Variants in EYA4 observed in about 807,000 individuals in gnomAD.
The protein encoded by EYA4 is protein phosphatase EYA4.
Under a neutral mutation model 87.9 loss-of-function variants are expected in EYA4, and 31 were observed. The ratio of observed to expected loss-of-function variants is 0.35; its 90% CI spans 0.27 to 0.48. The LOEUF (loss-of-function observed/expected upper bound fraction) is 0.48, where lower values mean the gene tolerates loss of function less well. Ranked by LOEUF, EYA4 falls within the 20% of genes least tolerant of loss-of-function variation. The pLI is 0.99. For missense variants in EYA4, 678 were observed against 761.4 expected (o/e 0.89, Z 1.29); for synonymous variants, 263 against 270.6 (o/e 0.97, Z 0.28).
chr6:133,310,272 T>A (rs534762717), intron 2 of EYA4, among the ~76,000 whole-genome samples: 1 of 152,294 alleles, frequency 6.6e-6, no homozygotes, highest in South Asian at 2.1e-4. Flanking sequence ...TTATTTCGCA[T>A]CTGTGTATTT....
At chr6:133,272,740 G>T (rs1171066821) in intron 1 of EYA4, among the ~76,000 whole-genome samples, 1 of 152,132 alleles carries the variant, frequency 6.6e-6, no homozygotes, top group East Asian at 1.9e-4. Context: ...GGATCATATG[G>T]CCCAAGTGGC....
intron 2 of EYA4, among the ~76,000 whole-genome samples, chr6:133,382,048 G>A (rs950945497): frequency 1.3e-5 from 2 of 152,176 alleles, no homozygotes; most frequent in African/African-American, 4.8e-5. Context: ...GACAGAAGCA[G>A]TATCAGTTGG....
At chr6:133,361,326 A>T (rs1562329875) in intron 2 of EYA4, among the ~76,000 whole-genome samples, 1 of 152,162 alleles carries the variant, frequency 6.6e-6, no homozygotes, top group African/African-American at 2.4e-5. Context: ...CATTATAAAA[A>T]ATATTTGATG....
chr6:133,484,852 C>T (rs1176314068), intron 13 of EYA4, among the ~76,000 whole-genome samples: 1 of 152,186 alleles, frequency 6.6e-6, no homozygotes, highest in Non-Finnish European at 1.5e-5. Context: ...CCCCATTGTG[C>T]CAAATCAGTG....
At chr6:133,299,571 G>C (rs145553478) in intron 2 of EYA4, among the ~76,000 whole-genome samples, 1,902 of 151,910 alleles carry the variant, frequency 0.013, 40 homozygotes, top group African/African-American at 0.044. Context: ...AATTAGCCAG[G>C]TGTAGTGGCG....
At chr6:133,352,111 G>T (rs912959085) in intron 2 of EYA4, among the ~76,000 whole-genome samples, 1 of 151,832 alleles carries the variant, frequency 6.6e-6, no homozygotes, top group African/African-American at 2.4e-5. Context: ...TAATCTTTTT[G>T]AATGCTGCCA....
chr6:133,522,221 G>C, intron 17 of EYA4, among the ~76,000 whole-genome samples: 1 of 138,050 alleles, frequency 7.2e-6, no homozygotes, highest in Non-Finnish European at 1.5e-5. Context: ...TGTGCACAAC[G>C]TGCAGGCTTG....
At chr6:133,301,082 G>A (rs1463955918) in intron 2 of EYA4, among the ~76,000 whole-genome samples, 1 of 152,174 alleles carries the variant, frequency 6.6e-6, no homozygotes, top group East Asian at 1.9e-4. Flanking sequence ...AATGAGACTG[G>A]CATATCCATG....
intron 2 of EYA4, among the ~76,000 whole-genome samples, chr6:133,381,308 AT>A: frequency 6.6e-6 from 1 of 152,202 alleles, no homozygotes; most frequent in East Asian, 1.9e-4. Flanking sequence ...AAAAGACGGG[AT>A]TTTTGAAAAT....
At chr6:133,361,863 C>G (rs7754854) in intron 2 of EYA4, among the ~76,000 whole-genome samples, 6,295 of 152,276 alleles carry the variant, frequency 0.041, 417 homozygotes, top group African/African-American at 0.14. Flanking sequence ...AGGTGCCCTG[C>G]ATGTTACTAG....
At chr6:133,272,115 C>T (rs532938362) in intron 1 of EYA4, among the ~76,000 whole-genome samples, 74 of 152,310 alleles carry the variant, frequency 4.9e-4, no homozygotes, top group African/African-American at 1.8e-3. Flanking sequence ...AAAGTTCTGC[C>T]AACTGGGAAG....
chr6:133,441,795 C>T (rs1792322830), intron 3 of EYA4, among the ~76,000 whole-genome samples: 1 of 151,718 alleles, frequency 6.6e-6, no homozygotes, highest in African/African-American at 2.4e-5. Flanking sequence ...AGCAGGTAAT[C>T]AGAATGAGTC....
chr6:133,430,124 G>C (rs1791056739), intron 3 of EYA4, among the ~76,000 whole-genome samples: 2 of 152,138 alleles, frequency 1.3e-5, no homozygotes, highest in South Asian at 4.1e-4. Flanking sequence ...GCGGTATTTG[G>C]TTTTCTGTTC....
At position 133,241,584 on chromosome 6, in the gene EYA4, T is replaced by C. The variant is rs993494476; in HGVS notation, c.-231T>C. ...CCGCTTCTCCCCCGCTTGTGTACGC[T>C]ATTTGTTGTGGGGTGGCCGAAGGGG... is the stretch of plus-strand genomic sequence containing the variant. On this transcript the variant is annotated 5_prime_UTR_variant, in exon 1 of 20. Coordinates refer to ENST00000355286, the MANE Select transcript of EYA4 (RefSeq NM_004100.5). 1 of 151,548 alleles carries C rather than the reference T, an allele frequency of 6.6e-6. No individual in the cohort carries two copies. The highest frequency in any genetic ancestry group is 2.4e-5 in the African/African-American group (1 of 40,830). 9.4% of individuals were successfully genotyped at this position (151,548 alleles called of 1,614,324 possible).
chr6:133,503,584 T>C (rs1211076654), intron 13 of EYA4, among the ~76,000 whole-genome samples: 2 of 152,188 alleles, frequency 1.3e-5, no homozygotes, highest in Non-Finnish European at 2.9e-5. Flanking sequence ...TGGAATTATA[T>C]GTTTTCATGC....
rs1291972004 is a variant in EYA4 at position 133,530,469 on chromosome 6, G to C, written c.*1664G>C. On this transcript the variant is annotated 3_prime_UTR_variant, in exon 20 of 20. Coordinates refer to ENST00000355286, the MANE Select transcript of EYA4 (RefSeq NM_004100.5). Reference sequence around the variant, plus strand: ...TATTTTTATGGTGTCTGCACCTGCAGTTCTGTGTTTAAAATGTCATAATGT... The same window carrying C: ...TATTTTTATGGTGTCTGCACCTGCACTTCTGTGTTTAAAATGTCATAATGT... The C allele has an allele frequency of 2.0e-6, 2 of 985,688 alleles. No homozygotes were observed. Among genetic ancestry groups the C allele is most frequent in the Non-Finnish European group, 2.4e-6 (2 of 829,940 alleles). 61.1% of individuals were successfully genotyped at this position (985,688 alleles called of 1,614,324 possible).
intron 14 of EYA4, chr6:133,507,116 T>G (rs1316951154): frequency 6.6e-6 from 1 of 152,234 alleles, no homozygotes; most frequent in Non-Finnish European, 1.5e-5. Flanking sequence ...CCTACCTTGT[T>G]CTAGATATTT....
Position 133,512,787 on chromosome 6 carries a change from A to G in EYA4, c.1340+8A>G. 1 of 1,611,758 alleles carries G rather than the reference A, an allele frequency of 6.2e-7. No individual in the cohort carries two copies. The highest frequency in any genetic ancestry group is 8.5e-7 in the Non-Finnish European group (1 of 1,177,750). On this transcript the variant is annotated splice_region_variant and intron_variant, in intron 15 of 19. Transcript: ENST00000355286. ...TAATGGGCAGGACTTAAGGTAAGCT[A>G]TGCCTTTCAGTATGCTGTTTCCTAC... is the stretch of plus-strand genomic sequence containing the variant.
At chr6:133,306,773 T>C (rs1779842648) in intron 2 of EYA4, among the ~76,000 whole-genome samples, 2 of 152,314 alleles carry the variant, frequency 1.3e-5, no homozygotes, top group Admixed American at 1.3e-4. Context: ...GAATAAAATA[T>C]GTCTTATTTA....
Sources: allele counts gnomAD v4.1 joint callset (sites outside exome capture counted in the v4.1 genomes callset), GRCh38; gene constraint gnomAD v4.1.1; transcripts MANE v1.5; gene names NCBI Gene and HGNC (gene_info 2026-07-23, HGNC 2026-07-21).